PIK3R2: variants seen among roughly 807,000 people sequenced by gnomAD.
PIK3R2 encodes the protein phosphoinositide-3-kinase regulatory subunit 2, also known as phosphatidylinositol 3-kinase regulatory subunit beta.
Under a neutral mutation model 78.5 loss-of-function variants are expected in PIK3R2, and 40 were observed. The observed-to-expected ratio is 0.51, with a 90% CI of 0.40 to 0.66. The LOEUF (loss-of-function observed/expected upper bound fraction) is 0.66. Ranked by LOEUF, PIK3R2 falls within the 30% of genes least tolerant of loss-of-function variation. PIK3R2 has a pLI of 0.00. For synonymous variants in PIK3R2, 473 were observed against 457.7 expected, an observed-to-expected ratio of 1.03 and a Z score of -0.43; for missense variants, 880 against 1,026.6, an observed-to-expected ratio of 0.86 and a Z score of 1.95.
At chr19:18,165,340 G>A (rs1010871527) in intron 11 of PIK3R2, among the ~76,000 whole-genome samples, 1 of 139,726 alleles carries the variant, frequency 7.2e-6, no homozygotes, top group Non-Finnish European at 1.5e-5. Flanking sequence ...ACTCCATCCT[G>A]GGACAGAGTG....
intron 2 of PIK3R2, among the ~76,000 whole-genome samples, chr19:18,158,966 C>G (rs146630142): frequency 6.6e-6 from 1 of 151,706 alleles, no homozygotes; most frequent in Non-Finnish European, 1.5e-5. Flanking sequence ...CTCAGCCTCC[C>G]GAGTAGCTGG....
intron 3 of PIK3R2, 40 bp downstream of exon 3, chr19:18,160,603 C>A: frequency 6.8e-7 from 1 of 1,471,160 alleles, no homozygotes; most frequent in Non-Finnish European, 9.5e-7. Flanking sequence ...ATTCTGCTTG[C>A]TTACCTCTAG....
At chr19:18,162,548 C>T in intron 9 of PIK3R2, 42 bp downstream of exon 9, 2 of 1,528,664 alleles carry the variant, frequency 1.3e-6, no homozygotes, top group Non-Finnish European at 1.8e-6. Context: ...GGTCACAGGT[C>T]ACAGAGACCG....
Position 18,169,241 on chromosome 19 carries a change from C to A in PIK3R2, c.2134C>A (p.Leu712Met). The change falls in exon 16 of 16, where the codon CTG becomes ATG. Residue 712 changes from leucine (L) to methionine (M), a missense_variant. By Grantham distance (15) the Leu-to-Met change is conservative (BLOSUM62 2). This residue lies in a region of PIK3R2 where 268 missense variants were observed against 299.1 expected (regional missense o/e 0.90). Coordinates refer to ENST00000222254, the MANE Select transcript of PIK3R2 (RefSeq NM_005027.4). The part of the protein sequence containing the change: ...VQHNDALTVT[L>M]AHPVRAPGPG... ...GCACAACGACGCGCTCACCGTCACC[C>A]TGGCGCACCCAGTGCGCGCCCCGGG... The A allele has an allele frequency of 3.8e-6, 6 of 1,587,470 alleles. No individual in the cohort carries two copies. Among genetic ancestry groups the A allele is most frequent in the Non-Finnish European group, 5.1e-6 (6 of 1,173,916 alleles).
chr19:18,160,738 G>A, intron 3 of PIK3R2, 175 bp downstream of exon 3: 1 of 880,072 alleles, frequency 1.1e-6, no homozygotes, highest in Non-Finnish European at 1.8e-6. Context: ...AAGATGGGAA[G>A]GTGAACATGA....
rs1324691790 is a variant in PIK3R2 at position 18,162,518 on chromosome 19, T to C, written c.1109+12T>C. ...ACGCTGACCCTCAGGTGGGGGCCTGTCCCTGCAAGGATAACCGGGGGTCAC... is the reference window on the plus strand; with the variant it reads ...ACGCTGACCCTCAGGTGGGGGCCTGCCCCTGCAAGGATAACCGGGGGTCAC... On this transcript the variant is annotated intron_variant, in intron 9 of 15. Transcript: ENST00000222254. The C allele has an allele frequency of 6.2e-7, 1 of 1,608,154 alleles. No individual in the cohort carries two copies. Among genetic ancestry groups the C allele is most frequent in the Non-Finnish European group, 8.5e-7 (1 of 1,175,750 alleles).
intron 2 of PIK3R2, among the ~76,000 whole-genome samples, chr19:18,159,675 C>T (rs1212161431): frequency 6.6e-6 from 1 of 151,686 alleles, no homozygotes; most frequent in East Asian, 1.9e-4. Context: ...GAACTCTTAA[C>T]CTCAAGTGAC....
rs2043816692 is a variant in PIK3R2, at chr19:18,167,063, G to C, written c.1560-67G>C. ...AGGTAGGAGGGTCACCTGAGCCCAG[G>C]AGTTTGAGGGTGCAGTGAGCCGAGA... On this transcript the variant is annotated intron_variant, in intron 12 of 15. Coordinates refer to ENST00000222254, the MANE Select transcript of PIK3R2 (RefSeq NM_005027.4). This position sits in a 1 kb window ranked among gnomAD's most constrained non-coding sequence, Gnocchi z 4.5. 2 of 1,386,128 alleles carry C rather than the reference G, an allele frequency of 1.4e-6. No individual in the cohort carries two copies. The highest frequency in any genetic ancestry group is 2.8e-5 in the East Asian group (1 of 35,976). The allele number at this position is 1,386,128 out of a possible 1,614,324, so 85.9% of individuals were successfully genotyped here. A position where few individuals can be genotyped will look rare whatever the true frequency, so the allele number is the denominator to read the frequency against.
Position 18,169,331 on chromosome 19 carries a change from G to A in PIK3R2, c.*37G>A, listed in dbSNP as rs953068311. On this transcript the variant is annotated 3_prime_UTR_variant, in exon 16 of 16. Coordinates refer to ENST00000222254, the MANE Select transcript of PIK3R2 (RefSeq NM_005027.4). ...CCGCCCCAAGCAGAGCCGCCCCTGG[G>A]CCCGTCTGCGCCGGAGGCTGCGGCG... is the stretch of plus-strand genomic sequence containing the variant. The A allele has an allele frequency of 2.8e-5, 35 of 1,256,148 alleles. No homozygotes were observed. Among genetic ancestry groups the A allele is most frequent in the Non-Finnish European group, 3.5e-5 (34 of 983,846 alleles). 77.8% of individuals were successfully genotyped at this position (1,256,148 alleles called of 1,614,324 possible). A position where few individuals can be genotyped will look rare whatever the true frequency, so the allele number is the denominator to read the frequency against.
rs1437857431 is a variant in PIK3R2 at position 18,163,398 on chromosome 19, G to A, written c.1416+10G>A. On this transcript the variant is annotated intron_variant, in intron 11 of 15. Coordinates refer to ENST00000222254, the MANE Select transcript of PIK3R2 (RefSeq NM_005027.4). Reference sequence around the variant, plus strand: ...CACACGGACCTCCCAGGTACTCCAGGCCCCGTACATGAGGGAAACCGAGAC... The same window carrying A: ...CACACGGACCTCCCAGGTACTCCAGACCCCGTACATGAGGGAAACCGAGAC... 1 of 1,613,914 alleles carries A rather than the reference G, an allele frequency of 6.2e-7. No homozygotes were observed. Among genetic ancestry groups the A allele is most frequent in the Non-Finnish European group, 8.5e-7 (1 of 1,179,958 alleles).
intron 11 of PIK3R2, among the ~76,000 whole-genome samples, chr19:18,165,700 C>T (rs1194661593): frequency 6.6e-6 from 1 of 152,196 alleles, no homozygotes; most frequent in Non-Finnish European, 1.5e-5. Context: ...TTAGCTGAGG[C>T]TCTAAATGGA....
chr19:18,157,122 G>C (rs2043685347), intron 2 of PIK3R2, among the ~76,000 whole-genome samples: 1 of 152,250 alleles, frequency 6.6e-6, no homozygotes. Flanking sequence ...CTTTGTGCCA[G>C]GGTGACATTG....
chr19:18,161,756 G>T lies in PIK3R2; in HGVS notation c.816-210G>T, dbSNP rs1211308935. On this transcript the variant is annotated intron_variant, in intron 6 of 15. Transcript: ENST00000222254. This position sits in a 1 kb window ranked among gnomAD's most constrained non-coding sequence, Gnocchi z 5.3. ...GTCGCAGCTCCGGTACTGGTCTCTC[G>T]CTCGCCTTTGTGTGAGAATCTATGG... 6.6e-6 allele frequency among the ~76,000 whole-genome samples: 1 copy of T among 152,192 alleles called. No homozygotes were observed. Among genetic ancestry groups the T allele is most frequent in the Admixed American group, 6.5e-5 (1 of 15,280 alleles).
chr19:18,168,851 T>C lies in PIK3R2; in HGVS notation c.1934T>C (p.Leu645Pro). ...AGTGGCAAGCGGGATGGCACCTTCCTCATCCGCGAGAGCAGCCAGCGGGGC... is the reference window on the plus strand; with the variant it reads ...AGTGGCAAGCGGGATGGCACCTTCCCCATCCGCGAGAGCAGCCAGCGGGGC... ...MLSGKRDGTF[L>P]IRESSQRGCY... Residue 645 changes from leucine to proline, a missense_variant, in exon 15 of 16, where the codon CTC becomes CCC. Coordinates refer to ENST00000222254, the MANE Select transcript of PIK3R2 (RefSeq NM_005027.4). The surrounding 1 kb of genome is among the most constrained non-coding windows in gnomAD (Gnocchi z 4.1). 1 of 1,613,740 alleles carries C rather than the reference T, an allele frequency of 6.2e-7. No homozygotes were observed. The highest frequency in any genetic ancestry group is 8.5e-7 in the Non-Finnish European group (1 of 1,179,894).
In PIK3R2 at chr19:18,159,261, G is replaced by A. The variant is rs12975860; in HGVS notation, c.323-1210G>A. On this transcript the variant is annotated intron_variant, in intron 2 of 15. Transcript: ENST00000222254. ...CTGCCTTGGCCTCCCAAAGTGTTGA[G>A]ATTACAGACGTGAGCCTTTGCACCC... Among the ~76,000 whole-genome samples, 130 of 148,020 alleles carry A rather than the reference G, an allele frequency of 8.8e-4. 1 individual carries two copies. The highest frequency in any genetic ancestry group is 2.3e-3 in the Admixed American group (33 of 14,426).
rs1393433745 is a variant in PIK3R2 at position 18,161,220 on chromosome 19, G to C, written c.598+35G>C. The C allele has an allele frequency of 1.1e-4, 175 of 1,526,726 alleles. No individual in the cohort carries two copies. Among genetic ancestry groups the C allele is most frequent in the Non-Finnish European group, 1.5e-4 (168 of 1,138,910 alleles). 94.6% of individuals were successfully genotyped at this position (1,526,726 alleles called of 1,614,324 possible). ...GCGGGTAGCCCGGGGGAAGGAGGGG[G>C]CTGTAGCGGGTGGGAGGGCCCAGGC... On this transcript the variant is annotated intron_variant, in intron 5 of 15. Transcript: ENST00000222254. This position sits in a 1 kb window ranked among gnomAD's most constrained non-coding sequence, Gnocchi z 5.3.
intron 11 of PIK3R2, 150 bp downstream of exon 11, chr19:18,163,538 A>AC: frequency 1.3e-6 from 1 of 799,026 alleles, no homozygotes; most frequent in Non-Finnish European, 2.0e-6. Flanking sequence ...TGTTCTAAAA[A>AC]CATAGAAATA....
Position 18,160,897 on chromosome 19 carries a change from C to T in PIK3R2, c.416-22C>T, listed in dbSNP as rs777916761. The T allele has an allele frequency of 4.4e-6, 7 of 1,598,036 alleles. 1 individual carries two copies. The highest frequency in any genetic ancestry group is 3.6e-4 in the Middle Eastern group (2 of 5,618). On this transcript the variant is annotated intron_variant, in intron 3 of 15. Transcript: ENST00000222254. ...TCGGGGCAGCATTTGAGAGCTGACTCGCCTGTCCCCTTCACCCCCAGGGCT... is the reference window on the plus strand; with the variant it reads ...TCGGGGCAGCATTTGAGAGCTGACTTGCCTGTCCCCTTCACCCCCAGGGCT...
rs2147960515 is a variant in PIK3R2 at position 18,169,129 on chromosome 19, C to T, written c.2022C>T (p.Ala674=). 6.2e-7 allele frequency: 1 copy of T among 1,611,946 alleles called. No individual in the cohort carries two copies. The highest frequency in any genetic ancestry group is 1.1e-5 in the South Asian group (1 of 91,068). ...AGCACTGCGTCATCTACCGCACGGC[C>T]ACCGGCTTCGGCTTCGCGGAGCCCT... The part of the protein sequence containing the change: ...DTKHCVIYRT[A]TGFGFAEPYN... Residue 674 remains alanine (A), a synonymous_variant, in exon 16 of 16, where the codon GCC becomes GCT. Transcript: ENST00000222254.
Sources: gnomAD v4.1 joint callset for allele counts (sites outside exome capture counted in the v4.1 genomes callset) on GRCh38, gnomAD v4.1.1 for gene constraint, gnomAD v4.1.1 regional missense constraint, Gnocchi (gnomAD v3.1) non-coding constraint, MANE v1.5 for transcripts, NCBI Gene and HGNC (gene_info 2026-07-23, HGNC 2026-07-21) for gene names.